Variants in SNX29 observed in about 807,000 individuals in gnomAD.
SNX29 encodes the protein sorting nexin-29.
SNX29 carries 78 observed loss-of-function variants against 102.1 expected under a neutral mutation model. That is an observed-to-expected ratio of 0.76 (90% CI 0.64 to 0.92). The LOEUF (loss-of-function observed/expected upper bound fraction) is 0.92. SNX29 is among the 40% of genes least tolerant of loss of function. SNX29 has a pLI of 0.00. For synonymous variants in SNX29, 580 were observed against 414.5 expected (o/e 1.40, Z -4.85); for missense variants, 1,280 against 1,061.7 (o/e 1.21, Z -2.86).
chr16:12,473,430 C>A (rs1393416918), intron 18 of SNX29, among the ~76,000 whole-genome samples: 2 of 152,174 alleles, frequency 1.3e-5, no homozygotes, highest in Non-Finnish European at 2.9e-5. Context: ...GCCTGGGCTT[C>A]AGGGGAACGA....
At chr16:12,271,355 A>G (rs937249740) in intron 14 of SNX29, among the ~76,000 whole-genome samples, 2 of 152,190 alleles carry the variant, frequency 1.3e-5, no homozygotes, top group Admixed American at 6.5e-5. Flanking sequence ...GTTCCTTGCC[A>G]TGAGGTTCTC....
At chr16:12,371,809 G>C (rs900014178) in intron 16 of SNX29, among the ~76,000 whole-genome samples, 15 of 152,178 alleles carry the variant, frequency 9.9e-5, no homozygotes, top group Non-Finnish European at 1.5e-5. Context: ...TAATATGGCA[G>C]ATGGCGAAGC....
intron 15 of SNX29, among the ~76,000 whole-genome samples, chr16:12,335,475 G>A (rs2081418082): frequency 6.6e-6 from 1 of 151,880 alleles, no homozygotes. Context: ...GACCAGCCTG[G>A]GCAACATAGG....
intron 1 of SNX29, among the ~76,000 whole-genome samples, chr16:11,980,130 C>G (rs1214187945): frequency 6.6e-6 from 1 of 151,998 alleles, no homozygotes; most frequent in East Asian, 1.9e-4. Context: ...TTTTAATTAC[C>G]TTAGAAAGAA....
At chr16:12,557,294 C>G (rs763421431) in intron 20 of SNX29, 1 of 152,184 alleles carries the variant, frequency 6.6e-6, no homozygotes, top group Non-Finnish European at 1.5e-5. Flanking sequence ...ACCTGGGACC[C>G]TGTACAATTT....
At chr16:12,022,092 T>A (rs1169777571) in intron 3 of SNX29, among the ~76,000 whole-genome samples, 1 of 33,948 alleles carries the variant, frequency 2.9e-5, no homozygotes, top group African/African-American at 8.1e-5. Flanking sequence ...TGGGGGGAAG[T>A]TTTTTTTTTT....
Position 12,568,889 on chromosome 16 carries a change from G to A in SNX29, c.*260G>A, listed in dbSNP as rs921942982. 10 of 512,454 alleles carry A rather than the reference G, an allele frequency of 2.0e-5. No individual in the cohort carries two copies. Among genetic ancestry groups the A allele is most frequent in the African/African-American group, 3.9e-5 (2 of 51,610 alleles). The allele number at this position is 512,454 out of a possible 1,614,324, so 31.7% of individuals were successfully genotyped here. ...TCCTTCTGCTTCTGGGGTCTACCCT[G>A]GGCTGCAAGGGCTGTTCCTCCACCT... On this transcript the variant is annotated 3_prime_UTR_variant, in exon 21 of 21. Transcript: ENST00000566228.
At chr16:12,441,007 G>C (rs1030185949) in intron 18 of SNX29, among the ~76,000 whole-genome samples, 2 of 151,810 alleles carry the variant, frequency 1.3e-5, no homozygotes, top group Non-Finnish European at 2.9e-5. Flanking sequence ...TACAATACGT[G>C]GCCTTCTATG....
At chr16:12,177,600 A>T (rs2076289807) in intron 13 of SNX29, among the ~76,000 whole-genome samples, 1 of 152,220 alleles carries the variant, frequency 6.6e-6, no homozygotes, top group Admixed American at 6.5e-5. Context: ...ATGCTTAATT[A>T]TTGTGAATTT....
intron 20 of SNX29, among the ~76,000 whole-genome samples, chr16:12,554,353 C>T (rs148249498): frequency 2.7e-5 from 4 of 145,772 alleles, no homozygotes; most frequent in Admixed American, 6.8e-5. Context: ...GTAGCTTTTC[C>T]CTTACCTGTG....
intron 16 of SNX29, among the ~76,000 whole-genome samples, chr16:12,396,432 A>G (rs2083724535): frequency 6.6e-6 from 1 of 152,138 alleles, no homozygotes; most frequent in Non-Finnish European, 1.5e-5. Context: ...GATTGTGTGT[A>G]GCAGTGGAGC....
At chr16:12,191,235 G>A (rs929804131) in intron 13 of SNX29, among the ~76,000 whole-genome samples, 1 of 152,164 alleles carries the variant, frequency 6.6e-6, no homozygotes, top group African/African-American at 2.4e-5. Context: ...AGGTGGTAAT[G>A]CTTGCTCACC....
At chr16:12,527,260 C>T (rs2076810538) in intron 20 of SNX29, 1 of 533,142 alleles carries the variant, frequency 1.9e-6, no homozygotes, top group Admixed American at 2.2e-5. Flanking sequence ...GCTGACGAAT[C>T]TCCATGTGAT....
At chr16:12,198,726 C>T (rs750360746) in intron 13 of SNX29, among the ~76,000 whole-genome samples, 1 of 152,306 alleles carries the variant, frequency 6.6e-6, no homozygotes, top group Middle Eastern at 3.4e-3. Flanking sequence ...GTTTTACTGG[C>T]GACCTTGGTC....
At chr16:12,227,930 C>G (rs904118017) in intron 14 of SNX29, among the ~76,000 whole-genome samples, 1 of 122,978 alleles carries the variant, frequency 8.1e-6, no homozygotes, top group Non-Finnish European at 1.7e-5. Context: ...AAAAAAAGAC[C>G]GAAGTGAGGT....
At chr16:12,151,233 T>G (rs1036142219) in intron 13 of SNX29, among the ~76,000 whole-genome samples, 1 of 152,134 alleles carries the variant, frequency 6.6e-6, no homozygotes, top group Non-Finnish European at 1.5e-5. Flanking sequence ...GTCCTAGATG[T>G]TACATCAGCT....
At position 12,568,961 on chromosome 16, in the gene SNX29, G is replaced by C. The variant is rs970371855; in HGVS notation, c.*332G>C. ...GGAGGGTGGGCACCAGGTCAGGCTG[G>C]GTGCGCCATGGTTGAGAGGCAAAGG... is the stretch of plus-strand genomic sequence containing the variant. On this transcript the variant is annotated 3_prime_UTR_variant, in exon 21 of 21. Coordinates refer to ENST00000566228, the MANE Select transcript of SNX29 (RefSeq NM_032167.5). The C allele has an allele frequency of 1.9e-5, 7 of 369,682 alleles. No homozygotes were observed. Among genetic ancestry groups the C allele is most frequent in the African/African-American group, 1.2e-4 (6 of 48,900 alleles). The allele number at this position is 369,682 out of a possible 1,614,324, so 22.9% of individuals were successfully genotyped here.
At chr16:12,517,123 C>T (rs2089899876) in intron 19 of SNX29, among the ~76,000 whole-genome samples, 1 of 152,090 alleles carries the variant, frequency 6.6e-6, no homozygotes, top group Non-Finnish European at 1.5e-5. Context: ...GTAGGAATAC[C>T]ACACAGAGTG....
chr16:12,296,003 C>A (rs2079968832), intron 15 of SNX29, among the ~76,000 whole-genome samples: 1 of 152,220 alleles, frequency 6.6e-6, no homozygotes, highest in Non-Finnish European at 1.5e-5. Context: ...CCAGTTCCTA[C>A]TATGTAATAT....
Sources: allele counts gnomAD v4.1 joint callset (sites outside exome capture counted in the v4.1 genomes callset), GRCh38; gene constraint gnomAD v4.1.1; transcripts MANE v1.5; gene names NCBI Gene and HGNC (gene_info 2026-07-23, HGNC 2026-07-21).